Variants in FOXN2 observed in about 807,000 individuals in gnomAD.
FOXN2 encodes forkhead box N2.
In FOXN2, 19 loss-of-function variants were observed where a neutral mutation model predicts 41.2. The observed-to-expected ratio is 0.46, with a 90% CI of 0.32 to 0.68. The LOEUF is 0.68. Ranked by LOEUF, FOXN2 falls within the 30% of genes least tolerant of loss-of-function variation. The probability of loss-of-function intolerance (pLI) is 0.03; values close to 1 mark genes in which losing one functional copy is unlikely to be tolerated. For missense variants in FOXN2, 587 were observed against 509.4 expected (o/e 1.15, Z -1.47); for synonymous variants, 195 against 176.8 (o/e 1.10, Z -0.82).
intron 2 of FOXN2, among the ~76,000 whole-genome samples, chr2:48,344,433 T>C (rs1335913266): frequency 6.6e-6 from 1 of 152,212 alleles, no homozygotes. Flanking sequence ...CCAGCACATA[T>C]TGTGGTTAGA....
chr2:48,365,063 T>C (rs17037298), intron 5 of FOXN2, among the ~76,000 whole-genome samples: 20,390 of 152,168 alleles, frequency 0.13, 1,656 homozygotes, highest in East Asian at 0.45. Context: ...AAATCAGTTT[T>C]CCTAGCGTTG....
chr2:48,317,031 T>G (rs1317635011), intron 1 of FOXN2, among the ~76,000 whole-genome samples: 1 of 152,184 alleles, frequency 6.6e-6, no homozygotes, highest in East Asian at 1.9e-4. Context: ...TGCTAACCAC[T>G]GAGAGCAATT....
chr2:48,314,756 G>A lies in FOXN2; in HGVS notation c.-215G>A, dbSNP rs1015114101. Reference sequence around the variant, plus strand: ...GCTGGAAGCTGCAGGGAACAGCTGCGGTGCTCTGCCATATTGTGTCTTCCC... The same window carrying A: ...GCTGGAAGCTGCAGGGAACAGCTGCAGTGCTCTGCCATATTGTGTCTTCCC... On this transcript the variant is annotated 5_prime_UTR_variant, in exon 1 of 7. Coordinates refer to ENST00000340553, the MANE Select transcript of FOXN2 (RefSeq NM_002158.4). 7.9e-5 allele frequency: 12 copies of A among 152,400 alleles called. No individual in the cohort carries two copies. The highest frequency in any genetic ancestry group is 1.6e-4 in the Non-Finnish European group (11 of 68,198). The allele number at this position is 152,400 out of a possible 1,614,324, so 9.4% of individuals were successfully genotyped here. A position where few individuals can be genotyped will look rare whatever the true frequency, so the allele number is the denominator to read the frequency against.
chr2:48,378,126 A>G lies in FOXN2; in HGVS notation c.*2683A>G, dbSNP rs963667006. 6.6e-6 allele frequency: 1 copy of G among 152,488 alleles called. No individual in the cohort carries two copies. Among genetic ancestry groups the G allele is most frequent in the Non-Finnish European group, 1.5e-5 (1 of 67,918 alleles). The allele number at this position is 152,488 out of a possible 1,614,324, so 9.4% of individuals were successfully genotyped here. The stretch of plus-strand genomic sequence containing the variant: ...ATCCCTAGTAAAAAGCTTTGATTCA[A>G]CACAATTGTTCATCTTCACATCCCA... On this transcript the variant is annotated 3_prime_UTR_variant, in exon 7 of 7. Coordinates refer to ENST00000340553, the MANE Select transcript of FOXN2 (RefSeq NM_002158.4).
intron 1 of FOXN2, among the ~76,000 whole-genome samples, chr2:48,320,190 A>G (rs74491442): frequency 0.016 from 2,383 of 152,246 alleles, 59 homozygotes; most frequent in African/African-American, 0.054. Flanking sequence ...ACCTCTTTCT[A>G]TGCTGATTGA....
At chr2:48,321,406 A>C (rs1390669200) in intron 1 of FOXN2, among the ~76,000 whole-genome samples, 1 of 152,028 alleles carries the variant, frequency 6.6e-6, no homozygotes, top group Non-Finnish European at 1.5e-5. Context: ...CGTGGTGGCG[A>C]GTGCCTGTAG....
At chr2:48,322,008 G>T (rs1233608657) in intron 1 of FOXN2, among the ~76,000 whole-genome samples, 2 of 152,212 alleles carry the variant, frequency 1.3e-5, no homozygotes, top group Non-Finnish European at 2.9e-5. Context: ...GAGCACAGTG[G>T]CGTGATCTCG....
At chr2:48,369,071 A>T (rs1308480954) in intron 5 of FOXN2, among the ~76,000 whole-genome samples, 4 of 152,304 alleles carry the variant, frequency 2.6e-5, no homozygotes, top group African/African-American at 9.6e-5. Flanking sequence ...TTTAAGGTGT[A>T]TTTTTCCTAC....
In FOXN2 at chr2:48,375,461, C is replaced by T. The variant is rs753800674; in HGVS notation, c.*18C>T. The stretch of plus-strand genomic sequence containing the variant: ...AAAAATAGAAATACTTAAAGTGTGG[C>T]AATACTCTTTCACTTAATTCTTTAC... On this transcript the variant is annotated 3_prime_UTR_variant, in exon 7 of 7. Coordinates refer to ENST00000340553, the MANE Select transcript of FOXN2 (RefSeq NM_002158.4). 3 of 1,578,160 alleles carry T rather than the reference C, an allele frequency of 1.9e-6. No individual in the cohort carries two copies. Among genetic ancestry groups the T allele is most frequent in the Non-Finnish European group, 2.6e-6 (3 of 1,163,456 alleles).
intron 2 of FOXN2, among the ~76,000 whole-genome samples, chr2:48,344,414 A>G (rs904108225): frequency 3.3e-5 from 5 of 152,358 alleles, no homozygotes; most frequent in Middle Eastern, 3.4e-3. Flanking sequence ...TGTTGTGTAC[A>G]TACTGTTGCC....
intron 3 of FOXN2, among the ~76,000 whole-genome samples, chr2:48,347,399 C>T (rs751488700): frequency 2.6e-5 from 4 of 151,086 alleles, no homozygotes; most frequent in Non-Finnish European, 4.4e-5. Context: ...TGCTAATTTT[C>T]GTATTTTTAA....
chr2:48,331,956 A>G (rs1053466396), intron 2 of FOXN2, among the ~76,000 whole-genome samples: 2 of 152,034 alleles, frequency 1.3e-5, no homozygotes, highest in Admixed American at 6.6e-5. Flanking sequence ...TAACCGTGTT[A>G]TTTATATATT....
At chr2:48,362,225 T>G (rs1210248837) in intron 4 of FOXN2, among the ~76,000 whole-genome samples, 5 of 152,220 alleles carry the variant, frequency 3.3e-5, no homozygotes, top group Admixed American at 3.3e-4. Flanking sequence ...TAAAAATAGT[T>G]TGTTTTTGGT....
chr2:48,351,298 G>A (rs1326012554), intron 3 of FOXN2, among the ~76,000 whole-genome samples: 2 of 152,144 alleles, frequency 1.3e-5, no homozygotes, highest in South Asian at 2.1e-4. Context: ...TGTTTTGTGA[G>A]ACAGAGTCTC....
chr2:48,329,478 C>G (rs1000600993), intron 2 of FOXN2, among the ~76,000 whole-genome samples: 14 of 152,008 alleles, frequency 9.2e-5, no homozygotes, highest in African/African-American at 3.4e-4. Flanking sequence ...CTCCATGAGA[C>G]AGATCTTTGA....
chr2:48,357,958 A>G (rs539336386), intron 3 of FOXN2, among the ~76,000 whole-genome samples: 1 of 151,860 alleles, frequency 6.6e-6, no homozygotes, highest in East Asian at 1.9e-4. Context: ...TTCTCCTGAT[A>G]ATCCAGTGCA....
At chr2:48,357,432 G>A (rs1427271151) in intron 3 of FOXN2, among the ~76,000 whole-genome samples, 2 of 151,846 alleles carry the variant, frequency 1.3e-5, no homozygotes, top group African/African-American at 2.4e-5. Flanking sequence ...GTAATGCTGC[G>A]TATCTTTTCT....
chr2:48,321,328 G>T lies in FOXN2; in HGVS notation c.-157+6514G>T, dbSNP rs1386968727. On this transcript the variant is annotated intron_variant, in intron 1 of 6. Coordinates refer to ENST00000340553, the MANE Select transcript of FOXN2 (RefSeq NM_002158.4). ...GGGTGGGCGGATCACGAGGTCAGGAGATCGAGACCGTCTGGCTAACACGGT... is the reference window on the plus strand; with the variant it reads ...GGGTGGGCGGATCACGAGGTCAGGATATCGAGACCGTCTGGCTAACACGGT... Among the ~76,000 whole-genome samples, 3 of 152,266 alleles carry T rather than the reference G, an allele frequency of 2.0e-5. No homozygotes were observed. The East Asian group carries it at 5.8e-4, about 29-fold the overall frequency.
chr2:48,325,052 A>G (rs971425655), intron 1 of FOXN2, among the ~76,000 whole-genome samples: 15 of 152,218 alleles, frequency 9.9e-5, no homozygotes, highest in Non-Finnish European at 2.1e-4. Context: ...CTGACTTCTA[A>G]TACAGAAGCA....
Sources: gnomAD v4.1 joint callset for allele counts (sites outside exome capture counted in the v4.1 genomes callset) on GRCh38, gnomAD v4.1.1 for gene constraint, MANE v1.5 for transcripts, NCBI Gene and HGNC (gene_info 2026-07-23, HGNC 2026-07-21) for gene names.